Variants in VPS13A observed in about 807,000 individuals in gnomAD.
VPS13A encodes the protein vacuolar protein sorting 13 homolog A.
Under a neutral mutation model 390.9 loss-of-function variants are expected in VPS13A, and 264 were observed. That is an observed-to-expected ratio of 0.68 (90% CI 0.61 to 0.75). VPS13A has a LOEUF of 0.75. Among genes scored for constraint, VPS13A ranks in the 30% least tolerant of loss-of-function variants. The pLI, the probability that VPS13A is intolerant of heterozygous loss-of-function variation, is 0.00. For missense variants in VPS13A, 3,409 were observed against 3,733.9 expected (o/e 0.91, Z 2.27); for synonymous variants, 1,231 against 1,227.1 (o/e 1.00, Z -0.07).
intron 1 of VPS13A, among the ~76,000 whole-genome samples, chr9:77,193,459 C>T (rs1824803665): frequency 6.6e-6 from 1 of 151,968 alleles, no homozygotes; most frequent in South Asian, 2.1e-4. Context: ...CATGGTGAAA[C>T]CCTGTCTCTA....
At chr9:77,281,758 TG>T in intron 27 of VPS13A, 108 bp from the exon 28 acceptor site, 1 of 619,940 alleles carries the variant, frequency 1.6e-6, no homozygotes, top group Non-Finnish European at 2.9e-6. Flanking sequence ...TATATATATA[TG>T]TATATGAACA....
chr9:77,268,259 A>G (rs1401422015), intron 23 of VPS13A, among the ~76,000 whole-genome samples: 8 of 151,782 alleles, frequency 5.3e-5, no homozygotes, highest in Non-Finnish European at 1.2e-4. Flanking sequence ...TGTTCTTGAA[A>G]CCCTGGGCCC....
chr9:77,182,300 A>G (rs1326798161), intron 1 of VPS13A, among the ~76,000 whole-genome samples: 9 of 152,074 alleles, frequency 5.9e-5, no homozygotes, highest in African/African-American at 2.2e-4. Flanking sequence ...CACCACGTCA[A>G]CCAGGCTGGT....
In VPS13A at chr9:77,247,386, T is replaced by G; in HGVS notation, c.2028T>G (p.Gly676=). The change falls in exon 20 of 72, where the codon GGT becomes GGG. Residue 676 remains glycine (G), a synonymous_variant. Transcript: ENST00000360280. Reference sequence around the variant, plus strand: ...CAAATCTGCTTCTTTTGGACCTTGGTCATCTAAAGGTATATACTAATAATA... The same window carrying G: ...CAAATCTGCTTCTTTTGGACCTTGGGCATCTAAAGGTATATACTAATAATA... ...PTSNLLLLDL[G]HLKVTSKSRS... The G allele has an allele frequency of 6.2e-7, 1 of 1,612,172 alleles. No homozygotes were observed. Among genetic ancestry groups the G allele is most frequent in the Non-Finnish European group, 8.5e-7 (1 of 1,179,108 alleles).
rs182368168 is a variant in VPS13A, at chr9:77,289,633, G to A, written c.3340-3708G>A. On this transcript the variant is annotated intron_variant, in intron 31 of 71. Transcript: ENST00000360280. ...GGTGCATGTTGAAAACTCACAATGT[G>A]TACCTATTGAATTTGGTTTAGTCAG... Among the ~76,000 whole-genome samples, 186 of 152,138 alleles carry A rather than the reference G, an allele frequency of 1.2e-3. 1 individual carries two copies. Among genetic ancestry groups the A allele is most frequent in the East Asian group, 7.7e-4 (4 of 5,182 alleles).
chr9:77,416,100 T>G lies in VPS13A; in HGVS notation c.*94T>G. ...TTTGGGAAGCATATTACAGAAATGA[T>G]TTCAAGTACCCTGTATTCTGGATGC... is the stretch of plus-strand genomic sequence containing the variant. On this transcript the variant is annotated 3_prime_UTR_variant, in exon 72 of 72. Coordinates refer to ENST00000360280, the MANE Select transcript of VPS13A (RefSeq NM_033305.3). The G allele has an allele frequency of 7.0e-7, 1 of 1,425,446 alleles. No homozygotes were observed. Among genetic ancestry groups the G allele is most frequent in the Admixed American group, 1.7e-5 (1 of 58,842 alleles). 88.3% of individuals were successfully genotyped at this position (1,425,446 alleles called of 1,614,324 possible). A position where few individuals can be genotyped will look rare whatever the true frequency, so the allele number is the denominator to read the frequency against.
At chr9:77,209,312 C>T in intron 5 of VPS13A, 111 bp from the exon 6 acceptor site, 1 of 735,788 alleles carries the variant, frequency 1.4e-6, no homozygotes. Flanking sequence ...GTTCTATTTA[C>T]ATATATATGT....
chr9:77,185,670 C>G lies in VPS13A; in HGVS notation c.100+7866C>G, dbSNP rs115753060. On this transcript the variant is annotated intron_variant, in intron 1 of 71. Coordinates refer to ENST00000360280, the MANE Select transcript of VPS13A (RefSeq NM_033305.3). ...TATACTTGTTTCCTTTTTAAACAGT[C>G]TTCCCCTCCTCTTTTGCCCTCTCTG... is the stretch of plus-strand genomic sequence containing the variant. Among the ~76,000 whole-genome samples the G allele has an allele frequency of 5.8e-3, 880 of 152,252 alleles. 12 individuals carry two copies. The highest frequency in any genetic ancestry group is 0.02 in the African/African-American group (849 of 41,542).
At chr9:77,197,885 C>T (rs1177044087) in intron 1 of VPS13A, among the ~76,000 whole-genome samples, 1 of 152,304 alleles carries the variant, frequency 6.6e-6, no homozygotes, top group South Asian at 2.1e-4. Flanking sequence ...CATCGTTATT[C>T]TTGACTGAAT....
intron 23 of VPS13A, among the ~76,000 whole-genome samples, chr9:77,271,710 A>C (rs1826363430): frequency 6.6e-6 from 1 of 151,874 alleles, no homozygotes; most frequent in Admixed American, 6.6e-5. Flanking sequence ...CATTTTAGGG[A>C]ATAGAACGCA....
At chr9:77,295,240 T>C (rs1448895270) in intron 32 of VPS13A, among the ~76,000 whole-genome samples, 2 of 152,014 alleles carry the variant, frequency 1.3e-5, no homozygotes, top group East Asian at 3.9e-4. Flanking sequence ...TATAGAGAAA[T>C]AGGGTTGTTT....
intron 20 of VPS13A, among the ~76,000 whole-genome samples, chr9:77,249,090 C>T (rs12351396): frequency 0.2 from 30,549 of 152,142 alleles, 3,249 homozygotes; most frequent in Middle Eastern, 0.26. Flanking sequence ...TACTGGACAG[C>T]GTTGCTGTAA....
At chr9:77,205,536 A>G (rs943613210) in intron 4 of VPS13A, 128 bp downstream of exon 4, 13 of 383,012 alleles carry the variant, frequency 3.4e-5, no homozygotes, top group South Asian at 2.2e-4. Context: ...TGTTAATTCA[A>G]ATTAAATTGG....
chr9:77,302,035 G>A (rs898457595), intron 33 of VPS13A, among the ~76,000 whole-genome samples: 1 of 150,848 alleles, frequency 6.6e-6, no homozygotes, highest in Non-Finnish European at 1.5e-5. Context: ...TTGGTTCAAT[G>A]CAACCTCCGC....
chr9:77,223,279 A>G (rs1823326769), intron 13 of VPS13A, among the ~76,000 whole-genome samples: 1 of 152,112 alleles, frequency 6.6e-6, no homozygotes. Flanking sequence ...TAAAATATTG[A>G]AATTAGGCCG....
chr9:77,376,936 G>A (rs1833111366), intron 67 of VPS13A, among the ~76,000 whole-genome samples: 1 of 152,132 alleles, frequency 6.6e-6, no homozygotes, highest in African/African-American at 2.4e-5. Context: ...AAAAGAAATG[G>A]TCATTAAGTT....
At chr9:77,231,487 G>A (rs920981293) in intron 17 of VPS13A, among the ~76,000 whole-genome samples, 1 of 151,978 alleles carries the variant, frequency 6.6e-6, no homozygotes, top group African/African-American at 2.4e-5. Flanking sequence ...TGGGTGTTTA[G>A]TATCATATTG....
chr9:77,222,239 A>G (rs777861740), intron 13 of VPS13A, among the ~76,000 whole-genome samples: 2 of 152,126 alleles, frequency 1.3e-5, no homozygotes, highest in Non-Finnish European at 2.9e-5. Context: ...GGATGGGTTC[A>G]GGTTGTCTTA....
chr9:77,178,120 A>G (rs1188629961), intron 1 of VPS13A: 7 of 332,720 alleles, frequency 2.1e-5, no homozygotes, highest in Non-Finnish European at 3.5e-5. Flanking sequence ...GCCGTTCTCT[A>G]CCCCTGGCCC....
Sources: gnomAD v4.1 joint callset for allele counts (sites outside exome capture counted in the v4.1 genomes callset) on GRCh38, gnomAD v4.1.1 for gene constraint, MANE v1.5 for transcripts, NCBI Gene and HGNC (gene_info 2026-07-23, HGNC 2026-07-21) for gene names.